Variants in ZNF778 observed in about 807,000 individuals in gnomAD.
The protein encoded by ZNF778 is zinc finger protein 778.
In ZNF778, 37 loss-of-function variants were observed where a neutral mutation model predicts 23.9. The observed-to-expected ratio is 1.54, with a 90% CI of 1.19 to 2.03. The LOEUF is 2.03. Ranked by LOEUF, ZNF778 falls within the 30% of genes most tolerant of loss-of-function variation. The pLI is 0.00. For synonymous variants in ZNF778, 483 were observed against 343.9 expected (o/e 1.40, Z -4.48); for missense variants, 1,297 against 934.4 (o/e 1.39, Z -5.06).
chr16:89,220,809 T>C (rs561146690), intron 1 of ZNF778, among the ~76,000 whole-genome samples, 188 bp from the exon 2 acceptor site: 2 of 152,318 alleles, frequency 1.3e-5, no homozygotes, highest in East Asian at 1.9e-4. Context: ...GAATGGCTGT[T>C]CTGATAATTA....
In ZNF778 at chr16:89,228,081, T is replaced by C; in HGVS notation, c.1793T>C (p.Phe598Ser). 1 of 1,613,002 alleles carries C rather than the reference T, an allele frequency of 6.2e-7. No homozygotes were observed. Among genetic ancestry groups the C allele is most frequent in the Non-Finnish European group, 8.5e-7 (1 of 1,179,150 alleles). Residue 598 changes from phenylalanine (F) to serine (S), a missense_variant, in exon 7 of 7, where the codon TTC (phenylalanine) becomes TCC (serine). Transcript: ENST00000433976. ...GAATGTAAGGACTGTGGGAAAACAT[T>C]CACTGTTTCTTCGAGCCTAACCGAG... ...PYECKDCGKT[F>S]TVSSSLTEHI...
At chr16:89,220,734 G>A (rs2030851060) in intron 1 of ZNF778, among the ~76,000 whole-genome samples, 1 of 152,218 alleles carries the variant, frequency 6.6e-6, no homozygotes, top group Admixed American at 6.5e-5. Context: ...CTAAGTGGAT[G>A]ATGTGGACCA....
chr16:89,235,101 T>C lies in ZNF778; in HGVS notation c.*6539T>C, dbSNP rs1267836957. The C allele has an allele frequency of 2.0e-5, 3 of 152,198 alleles. No homozygotes were observed. The highest frequency in any genetic ancestry group is 4.4e-5 in the Non-Finnish European group (3 of 68,038). 9.4% of individuals were successfully genotyped at this position (152,198 alleles called of 1,614,324 possible). On this transcript the variant is annotated 3_prime_UTR_variant, in exon 7 of 7. Coordinates refer to ENST00000433976, the MANE Select transcript of ZNF778 (RefSeq NM_001201407.2). ...GGAGTTGATTTTTGTTGACCGTATC[T>C]GTAGAGTGTAATGTCATTTTTCCCA...
At position 89,234,016 on chromosome 16, in the gene ZNF778, C is replaced by G. The variant is rs961140626; in HGVS notation, c.*5454C>G. ...CCTGTCCTGCCTTTCCTGTGAAAAC[C>G]CTGTGGCCTCTGCCTCCCCTGGCTC... On this transcript the variant is annotated 3_prime_UTR_variant, in exon 7 of 7. Coordinates refer to ENST00000433976, the MANE Select transcript of ZNF778 (RefSeq NM_001201407.2). The G allele has an allele frequency of 2.7e-6, 3 of 1,112,516 alleles. No homozygotes were observed. The highest frequency in any genetic ancestry group is 3.2e-5 in the African/African-American group (2 of 62,398). The allele number at this position is 1,112,516 out of a possible 1,614,324, so 68.9% of individuals were successfully genotyped here.
At chr16:89,225,722 A>G in intron 6 of ZNF778, 91 bp downstream of exon 6, 2 of 1,206,228 alleles carry the variant, frequency 1.7e-6, no homozygotes, top group Non-Finnish European at 2.4e-6. Context: ...GAGAGAATTT[A>G]GAGAAGCAGG....
intron 5 of ZNF778, among the ~76,000 whole-genome samples, chr16:89,225,123 T>G (rs1755400801): frequency 1.0e-5 from 1 of 99,486 alleles, no homozygotes; most frequent in Non-Finnish European, 2.2e-5. Context: ...TTTTTTTTTT[T>G]TTTTTTTTTT....
At chr16:89,225,471 T>G in intron 5 of ZNF778, 84 bp from the exon 6 acceptor site, 1 of 1,153,620 alleles carries the variant, frequency 8.7e-7, no homozygotes, top group Non-Finnish European at 1.2e-6. Flanking sequence ...CTATCTTTGC[T>G]TTGTTTTTTT....
rs764674424 is a variant in ZNF778, at chr16:89,227,733, G to A, written c.1445G>A (p.Cys482Tyr). The change falls in exon 7 of 7, where the codon TGT becomes TAT. Residue 482 changes from cysteine to tyrosine, a missense_variant. Transcript: ENST00000433976. ...GAGAAACCATATGAATGTAAAGATT[G>A]TGGGAAATCCTTCACTGTTTCTTCA... is the stretch of plus-strand genomic sequence containing the variant. ...TGEKPYECKD[C>Y]GKSFTVSSSL... 14 of 1,614,034 alleles carry A rather than the reference G, an allele frequency of 8.7e-6. No homozygotes were observed. The highest frequency in any genetic ancestry group is 5.9e-6 in the Non-Finnish European group (7 of 1,180,024).
chr16:89,220,703 A>G (rs539969111), intron 1 of ZNF778, among the ~76,000 whole-genome samples: 1 of 152,280 alleles, frequency 6.6e-6, no homozygotes, highest in African/African-American at 2.4e-5. Context: ...GTACCAGCTA[A>G]CCGTCCTGGT....
rs763297520 is a variant in ZNF778, at chr16:89,227,538, G to C, written c.1250G>C (p.Gly417Ala). 3.1e-5 allele frequency: 50 copies of C among 1,614,040 alleles called. No homozygotes were observed. Among genetic ancestry groups the C allele is most frequent in the South Asian group, 1.8e-4 (16 of 91,076 alleles). Reference sequence around the variant, plus strand: ...AATAATCATGTTCGAATTCACACTGGAATAAAACCCTATACATGCAGCTAC... The same window carrying C: ...AATAATCATGTTCGAATTCACACTGCAATAAAACCCTATACATGCAGCTAC... ...CLNNHVRIHT[G>A]IKPYTCSYCG... Residue 417 changes from glycine to alanine, a missense_variant, in exon 7 of 7, where the codon GGA (glycine) becomes GCA (alanine). Transcript: ENST00000433976.
At position 89,234,966 on chromosome 16, in the gene ZNF778, C is replaced by A. The variant is rs972210205; in HGVS notation, c.*6404C>A. On this transcript the variant is annotated 3_prime_UTR_variant, in exon 7 of 7. Transcript: ENST00000433976. ...TTTTGGCATACTCAAATTTATACAA[C>A]CTTTCCTTTATCTTCATCAGAAATT... 6.6e-6 allele frequency: 1 copy of A among 152,070 alleles called. No homozygotes were observed. The highest frequency in any genetic ancestry group is 1.5e-5 in the Non-Finnish European group (1 of 68,014). 9.4% of individuals were successfully genotyped at this position (152,070 alleles called of 1,614,324 possible).
Position 89,232,974 on chromosome 16 carries a change from T to C in ZNF778, c.*4412T>C, listed in dbSNP as rs564221737. 2.9e-4 allele frequency: 359 copies of C among 1,257,980 alleles called. 34 individuals carry two copies. The highest frequency in any genetic ancestry group is 9.9e-4 in the South Asian group (74 of 74,876). The allele number at this position is 1,257,980 out of a possible 1,614,324, so 77.9% of individuals were successfully genotyped here. A position where few individuals can be genotyped will look rare whatever the true frequency, so the allele number is the denominator to read the frequency against. ...ACTCAGCTCGCTCTGCGTATGCAAC[T>C]GAGCTCGCTCTGCGTATGCAACCCA... is the stretch of plus-strand genomic sequence containing the variant. On this transcript the variant is annotated 3_prime_UTR_variant, in exon 7 of 7. Transcript: ENST00000433976.
chr16:89,220,948 C>T (rs569500963), intron 1 of ZNF778, 49 bp from the exon 2 acceptor site: 16 of 634,002 alleles, frequency 2.5e-5, no homozygotes, highest in Middle Eastern at 3.0e-4. Flanking sequence ...CAAGCTAATG[C>T]GTGAGGTTTG....
chr16:89,226,375 T>C (rs2031473919), intron 6 of ZNF778, among the ~76,000 whole-genome samples: 1 of 151,676 alleles, frequency 6.6e-6, no homozygotes, highest in African/African-American at 2.4e-5. Flanking sequence ...CCAGTTAATT[T>C]TGTATTTTTA....
rs1472207931 is a variant in ZNF778, at chr16:89,228,323, G to A, written c.2035G>A (p.Gly679Arg). The change falls in exon 7 of 7, where the codon GGG becomes AGG. Residue 679 changes from glycine to arginine, a missense_variant. By Grantham distance (125) the Gly-to-Arg change is moderately radical. Coordinates refer to ENST00000433976, the MANE Select transcript of ZNF778 (RefSeq NM_001201407.2). ...GAAACCTTACATATGTAACGAGTGT[G>A]GGAAAGCCTTCCGTGCCTCCTCTCA... Reference protein sequence around the residue: ...GEKPYICNECGKAFRASSHLH... With the variant: ...GEKPYICNECRKAFRASSHLH... The A allele has an allele frequency of 1.3e-5, 21 of 1,613,544 alleles. No individual in the cohort carries two copies. In the East Asian group the frequency reaches 4.7e-4, roughly 36 times the overall value.
intron 1 of ZNF778, among the ~76,000 whole-genome samples, chr16:89,220,715 C>G (rs1317353840): frequency 1.3e-5 from 2 of 152,160 alleles, no homozygotes; most frequent in Non-Finnish European, 2.9e-5. Flanking sequence ...CGTCCTGGTT[C>G]ACCACTTCCT....
Position 89,228,910 on chromosome 16 carries a change from TTTACA to T in ZNF778, c.*355_*359del, listed in dbSNP as rs1386736497. 1.7e-4 allele frequency: 177 copies of T among 1,019,546 alleles called. No individual in the cohort carries two copies. In the African/African-American group the frequency reaches 2.9e-3, roughly 17 times the overall value. 63.2% of individuals were successfully genotyped at this position (1,019,546 alleles called of 1,614,324 possible). A position where few individuals can be genotyped will look rare whatever the true frequency, so the allele number is the denominator to read the frequency against. On this transcript the variant is annotated 3_prime_UTR_variant, in exon 7 of 7. Coordinates refer to ENST00000433976, the MANE Select transcript of ZNF778 (RefSeq NM_001201407.2). ...GGTGAGAATTGTTGGGAAGTCATTT[TTTACA>T]TTACATCTTTCCTCACCCTTTAGTA...
Position 89,229,179 on chromosome 16 carries a change from G to C in ZNF778, c.*617G>C, listed in dbSNP as rs2151637898. The C allele has an allele frequency of 1.0e-6, 1 of 985,972 alleles. No individual in the cohort carries two copies. The highest frequency in any genetic ancestry group is 1.2e-6 in the Non-Finnish European group (1 of 830,360). The allele number at this position is 985,972 out of a possible 1,614,324, so 61.1% of individuals were successfully genotyped here. A position where few individuals can be genotyped will look rare whatever the true frequency, so the allele number is the denominator to read the frequency against. On this transcript the variant is annotated 3_prime_UTR_variant, in exon 7 of 7. Transcript: ENST00000433976. ...CGCAGCCTGGCTAACAGTAGGCCTT[G>C]AGGACTCAGATGTGATCCTGTGTGA...
intron 1 of ZNF778, among the ~76,000 whole-genome samples, chr16:89,220,037 C>A (rs1483252792): frequency 6.6e-6 from 1 of 152,162 alleles, no homozygotes; most frequent in Non-Finnish European, 1.5e-5. Context: ...AGCCTCATGT[C>A]AACATAGTGT....
Sources: allele counts gnomAD v4.1 joint callset (sites outside exome capture counted in the v4.1 genomes callset), GRCh38; gene constraint gnomAD v4.1.1; transcripts MANE v1.5; gene names NCBI Gene and HGNC (gene_info 2026-07-23, HGNC 2026-07-21).